ZNF511: variants seen among roughly 807,000 people sequenced by gnomAD.
ZNF511 encodes zinc finger protein 511.
ZNF511 carries 26 observed loss-of-function variants against 24.8 expected under a neutral mutation model. The observed-to-expected ratio is 1.05, with a 90% CI of 0.77 to 1.46. ZNF511 has a LOEUF of 1.46. Among genes scored for constraint, ZNF511 ranks in the 40% most tolerant of loss-of-function variants. The probability of loss-of-function intolerance (pLI) is 0.00; values close to 1 mark genes in which losing one functional copy is unlikely to be tolerated. For synonymous variants in ZNF511, 144 were observed against 139.6 expected (o/e 1.03, Z -0.22); for missense variants, 358 against 345.0 (o/e 1.04, Z -0.30).
At position 133,310,243 on chromosome 10, in the gene ZNF511, T is replaced by C; in HGVS notation, c.509T>C (p.Leu170Pro). The C allele has an allele frequency of 3.1e-6, 5 of 1,614,048 alleles. No homozygotes were observed. The highest frequency in any genetic ancestry group is 1.3e-5 in the African/African-American group (1 of 75,072). The change falls in exon 4 of 6, where the codon CTG (leucine) becomes CCG (proline). Residue 170 changes from leucine to proline, a missense_variant. Leu to Pro is a moderately conservative substitution (Grantham distance 98, BLOSUM62 -3). Transcript: ENST00000361518. ...AAGGATCACATGGTGAGGATGCACC[T>C]GTACCCCGCGGACTTCCGGTTTGAT... ...DRKDHMVRMH[L>P]YPADFRFDKP... is the part of the protein sequence containing the mutation.
intron 1 of ZNF511, 40 bp downstream of exon 1, chr10:133,309,136 A>C (rs1345449578): frequency 2.9e-6 from 4 of 1,383,382 alleles, no homozygotes; most frequent in Non-Finnish European, 3.8e-6. Flanking sequence ...TGTAGGATCC[A>C]GTGGGGCCTA....
rs779087283 is a variant in ZNF511 at position 133,311,776 on chromosome 10, A to T, written c.615A>T (p.Glu205Asp). 6.2e-7 allele frequency: 1 copy of T among 1,613,732 alleles called. No individual in the cohort carries two copies. Among genetic ancestry groups the T allele is most frequent in the Non-Finnish European group, 8.5e-7 (1 of 1,180,020 alleles). ...SGERSEGEAM[E>D]ICSEPVAASP... ...AGCGGTCAGAAGGGGAGGCCATGGAAATCTGCTCTGAGCCTGTGGCAGCCT... is the reference window on the plus strand; with the variant it reads ...AGCGGTCAGAAGGGGAGGCCATGGATATCTGCTCTGAGCCTGTGGCAGCCT... The change falls in exon 5 of 6, where the codon GAA becomes GAT. Residue 205 changes from glutamate (E) to aspartate (D), a missense_variant. Coordinates refer to ENST00000361518, the MANE Select transcript of ZNF511 (RefSeq NM_145806.4).
At chr10:133,311,918 G>A (rs951019762) in intron 5 of ZNF511, 77 bp downstream of exon 5, 18 of 1,613,028 alleles carry the variant, frequency 1.1e-5, no homozygotes, top group African/African-American at 4.0e-5. Context: ...CACCTGGGCC[G>A]CAGCTCTTCT....
intron 5 of ZNF511, 59 bp from the exon 6 acceptor site, chr10:133,312,729 A>T: frequency 6.2e-7 from 1 of 1,613,184 alleles, no homozygotes; most frequent in African/African-American, 1.3e-5. Context: ...AAGTGCTGTT[A>T]TGACCTGGGT....
At chr10:133,310,459 A>G in intron 4 of ZNF511, 171 bp downstream of exon 4, 2 of 838,644 alleles carry the variant, frequency 2.4e-6, no homozygotes, top group Non-Finnish European at 3.6e-6. Context: ...TGGTTGTGCC[A>G]GCGGCCACCC....
chr10:133,309,024 C>G lies in ZNF511; in HGVS notation c.81C>G (p.Pro27=). ...AGCCGCTGCCTGTAGAGCGGGATCC[C>G]GCGGCTGGGGCCGCGCCCTTTCGCT... ...AAEPLPVERD[P]AAGAAPFRFV... The change falls in exon 1 of 6, where the codon CCC becomes CCG. Residue 27 remains proline (P), a synonymous_variant. Coordinates refer to ENST00000361518, the MANE Select transcript of ZNF511 (RefSeq NM_145806.4). The G allele has an allele frequency of 7.9e-7, 1 of 1,263,460 alleles. No homozygotes were observed. The highest frequency in any genetic ancestry group is 1.0e-6 in the Non-Finnish European group (1 of 997,938). The allele number at this position is 1,263,460 out of a possible 1,614,324, so 78.3% of individuals were successfully genotyped here. A position where few individuals can be genotyped will look rare whatever the true frequency, so the allele number is the denominator to read the frequency against.
chr10:133,312,064 T>G, intron 5 of ZNF511: 1 of 1,469,906 alleles, frequency 6.8e-7, no homozygotes, highest in Non-Finnish European at 9.0e-7. Context: ...AGCGCAGGAA[T>G]GCCAAGCACC....
At chr10:133,311,245 T>C (rs533828932) in intron 4 of ZNF511, among the ~76,000 whole-genome samples, 13 of 152,202 alleles carry the variant, frequency 8.5e-5, no homozygotes, top group Non-Finnish European at 1.9e-4. Flanking sequence ...ATAAAAGAAC[T>C]GGGAGAACCC....
At chr10:133,311,343 A>G (rs188726721) in intron 4 of ZNF511, among the ~76,000 whole-genome samples, 211 of 152,298 alleles carry the variant, frequency 1.4e-3, no homozygotes, top group African/African-American at 4.8e-3. Context: ...AAACCGTGCA[A>G]TGCTGGATTA....
Position 133,310,240 on chromosome 10 carries a change from A to G in ZNF511, c.506A>G (p.His169Arg). The G allele has an allele frequency of 6.2e-7, 1 of 1,614,018 alleles. No individual in the cohort carries two copies. The highest frequency in any genetic ancestry group is 1.1e-5 in the South Asian group (1 of 91,090). Residue 169 changes from histidine (H) to arginine (R), a missense_variant, in exon 4 of 6, where the codon CAC (histidine) becomes CGC (arginine). By Grantham distance (29) the His-to-Arg change is conservative (BLOSUM62 0). Transcript: ENST00000361518. ...CGGAAGGATCACATGGTGAGGATGC[A>G]CCTGTACCCCGCGGACTTCCGGTTT... ...RDRKDHMVRMHLYPADFRFDK... is the reference protein window; with the variant it reads ...RDRKDHMVRMRLYPADFRFDK...
chr10:133,311,228 C>T (rs1847982363), intron 4 of ZNF511, among the ~76,000 whole-genome samples: 1 of 152,178 alleles, frequency 6.6e-6, no homozygotes, highest in African/African-American at 2.4e-5. Flanking sequence ...GTAATTTGCT[C>T]TTTAAAATAA....
In ZNF511 at chr10:133,310,166, T is replaced by C. The variant is rs767539435; in HGVS notation, c.432T>C (p.Tyr144=). 7 of 1,613,678 alleles carry C rather than the reference T, an allele frequency of 4.3e-6. No homozygotes were observed. In the African/African-American group the frequency reaches 9.3e-5, roughly 22 times the overall value. ...FQILSERQDM[Y]QCLVEGCTEK... The stretch of plus-strand genomic sequence containing the variant: ...AGGTGACACGGTCTCCATTTCAGTA[T>C]CAGTGCTTGGTAGAAGGCTGCACAG... Residue 144 remains tyrosine (Y), a splice_region_variant and synonymous_variant, in exon 4 of 6, where the codon TAT becomes TAC. Transcript: ENST00000361518.
At chr10:133,309,655 G>A (rs1043407148) in intron 2 of ZNF511, 121 bp from the exon 3 acceptor site, 12 of 1,328,396 alleles carry the variant, frequency 9.0e-6, no homozygotes, top group African/African-American at 5.8e-5. Flanking sequence ...TAAAAAGAGG[G>A]TTTGGGATTG....
rs1319215557 is a variant in ZNF511 at position 133,310,157 on chromosome 10, A to G, written c.430-7A>G. Reference sequence around the variant, plus strand: ...GTCAGAGGGAGGTGACACGGTCTCCATTTCAGTATCAGTGCTTGGTAGAAG... The same window carrying G: ...GTCAGAGGGAGGTGACACGGTCTCCGTTTCAGTATCAGTGCTTGGTAGAAG... On this transcript the variant is annotated splice_polypyrimidine_tract_variant and splice_region_variant and intron_variant, in intron 3 of 5. Transcript: ENST00000361518. 1 of 1,613,774 alleles carries G rather than the reference A, an allele frequency of 6.2e-7. No individual in the cohort carries two copies. The highest frequency in any genetic ancestry group is 2.2e-5 in the East Asian group (1 of 44,876).
chr10:133,309,552 C>A, intron 2 of ZNF511, 89 bp downstream of exon 2: 3 of 1,441,330 alleles, frequency 2.1e-6, no homozygotes, highest in Non-Finnish European at 2.9e-6. Context: ...TGCCGCTCTT[C>A]CATGTGCGGC....
chr10:133,311,829 T>C lies in ZNF511; in HGVS notation c.668T>C (p.Ile223Thr). The C allele has an allele frequency of 6.2e-7, 1 of 1,613,368 alleles. No individual in the cohort carries two copies. The highest frequency in any genetic ancestry group is 8.5e-7 in the Non-Finnish European group (1 of 1,180,032). ...CCTGCACCGGCAGGTGAGAGGCGGA[T>C]CTACAGACATAGGTCAGTGTCTGAG... is the stretch of plus-strand genomic sequence containing the variant. ...ASPAPAGERR[I>T]YRHRIPSTIC... The change falls in exon 5 of 6, where the codon ATC (isoleucine) becomes ACC (threonine). Residue 223 changes from isoleucine (I) to threonine (T), a missense_variant. Ile to Thr is a moderately conservative substitution (Grantham distance 89). Coordinates refer to ENST00000361518, the MANE Select transcript of ZNF511 (RefSeq NM_145806.4).
intron 3 of ZNF511, 46 bp downstream of exon 3, chr10:133,310,023 T>A: frequency 6.2e-7 from 1 of 1,611,258 alleles, no homozygotes; most frequent in Non-Finnish European, 8.5e-7. Flanking sequence ...CCATTGGTGA[T>A]GGGCTCAGAG....
chr10:133,309,996 G>A lies in ZNF511; in HGVS notation c.429+19G>A, dbSNP rs995625127. On this transcript the variant is annotated intron_variant, in intron 3 of 5. Transcript: ENST00000361518. ...GGACATGGTGGGTGACAACTGCACA[G>A]CCGCCGAGGCCACCCCCCATTGGTG... is the stretch of plus-strand genomic sequence containing the variant. 3.7e-6 allele frequency: 6 copies of A among 1,611,620 alleles called. No homozygotes were observed. The African/African-American group carries it at 5.3e-5, about 14-fold the overall frequency.
intron 5 of ZNF511, 183 bp downstream of exon 5, chr10:133,312,024 C>T: frequency 6.5e-7 from 1 of 1,537,584 alleles, no homozygotes; most frequent in South Asian, 1.2e-5. Flanking sequence ...AACTTAGTTT[C>T]TCTCGCATAC....
Sources: gnomAD v4.1 joint callset for allele counts (sites outside exome capture counted in the v4.1 genomes callset) on GRCh38, gnomAD v4.1.1 for gene constraint, MANE v1.5 for transcripts, NCBI Gene and HGNC (gene_info 2026-07-23, HGNC 2026-07-21) for gene names.